Variants in ABR observed in about 807,000 individuals in gnomAD.
ABR encodes active breakpoint cluster region-related protein.
In ABR, 35 loss-of-function variants were observed where a neutral mutation model predicts 107.2. That is an observed-to-expected ratio of 0.33 (90% CI 0.25 to 0.43). The LOEUF is 0.43. Ranked by LOEUF, ABR falls within the 20% of genes least tolerant of loss-of-function variation. The pLI is 1.00. For synonymous variants in ABR, 498 were observed against 462.0 expected (o/e 1.08, Z -1.00); for missense variants, 815 against 1,115.2 (o/e 0.73, Z 3.83).
In ABR at chr17:1,031,881, T is replaced by TCCCTCCCTCCGTCCCTCCCCGCGCTC. The variant is rs2072824163; in HGVS notation, c.1791+18168_1791+18169insGAGCGCGGGGAGGGACGGAGGGAGGG. On this transcript the variant is annotated intron_variant, in intron 16 of 22. Transcript: ENST00000302538. ...CCCTCCCTCCCTCCCCGCGCTCCCCTCCCTCCCTCCCTCCGTCCGCGTCCC... is the reference window on the plus strand; with the variant it reads ...CCCTCCCTCCCTCCCCGCGCTCCCCTCCCTCCCTCCGTCCCTCCCCGCGCTCCCCTCCCTCCCTCCGTCCGCGTCCC... The TCCCTCCCTCCGTCCCTCCCCGCGCTC allele has an allele frequency of 9.4e-6, 8 of 849,664 alleles. No individual in the cohort carries two copies. In the Admixed American group the frequency reaches 4.6e-4, roughly 49 times the overall value. The allele number at this position is 849,664 out of a possible 1,614,324, so 52.6% of individuals were successfully genotyped here.
chr17:1,036,135 C>T (rs576241466), intron 16 of ABR, among the ~76,000 whole-genome samples: 160 of 152,294 alleles, frequency 1.1e-3, no homozygotes, highest in African/African-American at 3.7e-3. Context: ...ACCAGAACGA[C>T]GCTCCTCTCC....
chr17:1,104,018 G>A (rs2038083891), intron 2 of ABR, among the ~76,000 whole-genome samples: 1 of 152,080 alleles, frequency 6.6e-6, no homozygotes, highest in African/African-American at 2.4e-5. Flanking sequence ...CCCACCGGGA[G>A]CCAGGCACTG....
intron 2 of ABR, among the ~76,000 whole-genome samples, chr17:1,109,326 G>A (rs1270563419): frequency 6.6e-6 from 1 of 151,798 alleles, no homozygotes; most frequent in Non-Finnish European, 1.5e-5. Context: ...GCCCGTGGCG[G>A]AGGCGAACCC....
At chr17:1,120,297 C>G (rs931301669) in intron 2 of ABR, among the ~76,000 whole-genome samples, 4 of 151,762 alleles carry the variant, frequency 2.6e-5, no homozygotes. Context: ...GAGATGGCAT[C>G]TCACTCTGTC....
At position 1,033,499 on chromosome 17, in the gene ABR, CCT is replaced by C. The variant is rs1193964611; in HGVS notation, c.1791+16549_1791+16550del. Among the ~76,000 whole-genome samples, 10 of 152,378 alleles carry C rather than the reference CCT, an allele frequency of 6.6e-5. No homozygotes were observed. The South Asian group carries it at 1.4e-3, about 22-fold the overall frequency. On this transcript the variant is annotated intron_variant, in intron 16 of 22. Transcript: ENST00000302538. ...TCTGGCTAACTCCAAAGCCCACACC[CCT>C]GTCACTCACTGTGATGCCCTAGTGT...
At position 1,159,425 on chromosome 17, in the gene ABR, CGGG is replaced by C. The variant is rs1265377583; in HGVS notation, c.61+20239_61+20241del. Among the ~76,000 whole-genome samples the C allele has an allele frequency of 1.7e-4, 14 of 84,070 alleles. 3 individuals are homozygous for C. Among genetic ancestry groups the C allele is most frequent in the South Asian group, 4.5e-4 (1 of 2,220 alleles). The allele number at this position is 84,070 out of a possible 152,430, so 55.2% of individuals were successfully genotyped here. On this transcript the variant is annotated intron_variant, in intron 1 of 22. Transcript: ENST00000302538. ...GAAGTAGGAATGCGGTACTCACACA[CGGG>C]AGAGGTAAGAATGCGGTACTCACAC...
chr17:1,142,741 A>T (rs2042451828), intron 1 of ABR, among the ~76,000 whole-genome samples: 1 of 152,142 alleles, frequency 6.6e-6, no homozygotes, highest in African/African-American at 2.4e-5. Context: ...GACAAGACGG[A>T]CGGAAAGGGC....
intron 10 of ABR, among the ~76,000 whole-genome samples, chr17:1,061,392 AC>A (rs1208533777): frequency 6.6e-6 from 1 of 152,052 alleles, no homozygotes; most frequent in Non-Finnish European, 1.5e-5. Context: ...CACCAGTTGG[AC>A]CCTCTGTCCT....
intron 1 of ABR, among the ~76,000 whole-genome samples, chr17:1,127,103 G>C (rs2039636078): frequency 1.3e-5 from 2 of 152,174 alleles, no homozygotes; most frequent in South Asian, 4.1e-4. Flanking sequence ...CTTCCCCTAG[G>C]CTCGCTGCAC....
intron 1 of ABR, among the ~76,000 whole-genome samples, chr17:1,137,331 C>T (rs969414199): frequency 1.3e-5 from 2 of 152,158 alleles, no homozygotes; most frequent in African/African-American, 4.8e-5. Context: ...CGTGAGCCAC[C>T]GAGCCCGGGC....
chr17:1,205,774 C>A (rs1337863014), intron 1 of ABR, among the ~76,000 whole-genome samples: 2 of 152,236 alleles, frequency 1.3e-5, no homozygotes, highest in Non-Finnish European at 2.9e-5. Flanking sequence ...GAAACCCCAT[C>A]TCTGCTAAAA....
chr17:1,078,886 C>G lies in ABR; in HGVS notation c.700+444G>C. On this transcript the variant is annotated intron_variant, in intron 6 of 22. Coordinates refer to ENST00000302538, the MANE Select transcript of ABR (RefSeq NM_021962.5). The surrounding 1 kb of genome is among the most constrained non-coding windows in gnomAD (Gnocchi z 7.5). ...GCAGCCTCTGTCCCCGCGGCGGGAG[C>G]GTGCAGCCATCGCTCCAGGCTCCCC... 3 of 1,535,346 alleles carry G rather than the reference C, an allele frequency of 2.0e-6. No individual in the cohort carries two copies. Among genetic ancestry groups the G allele is most frequent in the Non-Finnish European group, 2.6e-6 (3 of 1,146,678 alleles).
chr17:1,118,088 T>A (rs112775891), intron 2 of ABR, among the ~76,000 whole-genome samples: 2 of 43,954 alleles, frequency 4.6e-5, no homozygotes, highest in Non-Finnish European at 9.5e-5. Flanking sequence ...CCCAGCGTTA[T>A]CCCTGAGCCT....
At chr17:1,091,959 G>T in intron 3 of ABR, 109 bp from the exon 4 acceptor site, 1 of 1,201,516 alleles carries the variant, frequency 8.3e-7, no homozygotes, top group Non-Finnish European at 1.2e-6. Context: ...GTCCTGCCCA[G>T]ACAAGGCTGC....
chr17:1,083,262 ATT>A (rs71148428), intron 5 of ABR: 1,855 of 100,998 alleles, frequency 0.018, 22 homozygotes, highest in African/African-American at 0.047. Flanking sequence ...ACTGCCTTGG[ATT>A]TTTTTTTTTT....
intron 16 of ABR, among the ~76,000 whole-genome samples, chr17:1,036,245 G>A (rs1488590125): frequency 4.6e-5 from 7 of 152,208 alleles, no homozygotes; most frequent in Non-Finnish European, 7.3e-5. Context: ...AAGGCCACAG[G>A]CGCCCCAGTG....
chr17:1,183,077 G>A (rs938812091), upstream of ABR, among the ~76,000 whole-genome samples: 3 of 152,176 alleles, frequency 2.0e-5, no homozygotes, highest in Non-Finnish European at 4.4e-5. Context: ...TCCGGGCTTT[G>A]CCAAAGGTGA....
intron 1 of ABR, among the ~76,000 whole-genome samples, chr17:1,151,340 G>A (rs2040784910): frequency 1.3e-5 from 2 of 152,140 alleles, no homozygotes; most frequent in Non-Finnish European, 2.9e-5. Flanking sequence ...CCTGTCTGCT[G>A]AGAACTCATC....
chr17:1,090,462 G>A (rs913910133), intron 4 of ABR, among the ~76,000 whole-genome samples: 2 of 152,206 alleles, frequency 1.3e-5, no homozygotes, highest in Admixed American at 6.5e-5. Flanking sequence ...GTCCAGGTGA[G>A]GGCCATGGGT....
Sources: gnomAD v4.1 joint callset for allele counts (sites outside exome capture counted in the v4.1 genomes callset) on GRCh38, gnomAD v4.1.1 for gene constraint, Gnocchi (gnomAD v3.1) non-coding constraint, MANE v1.5 for transcripts, NCBI Gene and HGNC (gene_info 2026-07-23, HGNC 2026-07-21) for gene names.